Variants in VAC14 observed in about 807,000 individuals in gnomAD.
VAC14 encodes the protein VAC14 component of PIKFYVE complex, also known as protein VAC14 homolog.
VAC14 carries 47 observed loss-of-function variants against 85.3 expected under a neutral mutation model. The observed-to-expected ratio is 0.55, with a 90% CI of 0.44 to 0.70. The LOEUF (loss-of-function observed/expected upper bound fraction) is 0.70. Among genes scored for constraint, VAC14 ranks in the 30% least tolerant of loss-of-function variants. VAC14 has a pLI of 0.00. For synonymous variants in VAC14, 447 were observed against 430.5 expected (o/e 1.04, Z -0.47); for missense variants, 861 against 1,004.3 (o/e 0.86, Z 1.93).
chr16:70,718,439 G>A (rs1243269983), intron 14 of VAC14, among the ~76,000 whole-genome samples: 5 of 151,934 alleles, frequency 3.3e-5, no homozygotes, highest in South Asian at 2.1e-4. Flanking sequence ...GGGTGTGGTC[G>A]TGGGCGCCTG....
At chr16:70,737,494 G>A (rs556334399) in intron 13 of VAC14, among the ~76,000 whole-genome samples, 12 of 152,328 alleles carry the variant, frequency 7.9e-5, no homozygotes, top group Admixed American at 3.9e-4. Context: ...GCAGGAGCAT[G>A]AGGGAGAGTG....
intron 12 of VAC14, among the ~76,000 whole-genome samples, chr16:70,750,236 C>A (rs1302581137): frequency 6.6e-6 from 1 of 152,208 alleles, no homozygotes; most frequent in Non-Finnish European, 1.5e-5. Context: ...GGCCTGTAGT[C>A]CTGGCTCTGA....
chr16:70,755,929 C>A, intron 12 of VAC14: 2 of 444,604 alleles, frequency 4.5e-6, no homozygotes, highest in Non-Finnish European at 9.0e-6. Context: ...CCATTCCTCA[C>A]AGCACAGCTC....
chr16:70,693,169 G>A (rs1029296857), intron 17 of VAC14, among the ~76,000 whole-genome samples, 198 bp from the exon 18 acceptor site: 3 of 152,156 alleles, frequency 2.0e-5, no homozygotes, highest in African/African-American at 7.2e-5. Flanking sequence ...AGCCAGTCGC[G>A]CTGCCCCCAC....
intron 14 of VAC14, among the ~76,000 whole-genome samples, chr16:70,726,688 G>T (rs2054438004): frequency 6.6e-6 from 1 of 152,200 alleles, no homozygotes; most frequent in African/African-American, 2.4e-5. Context: ...CGTGGAGGGA[G>T]TGGGGGTACA....
chr16:70,719,398 G>C (rs1184381611), intron 14 of VAC14, among the ~76,000 whole-genome samples: 2 of 152,116 alleles, frequency 1.3e-5, no homozygotes, highest in East Asian at 1.9e-4. Context: ...TAAAAATAAA[G>C]TATGTCTGTT....
chr16:70,791,596 G>A (rs907474139), intron 1 of VAC14, among the ~76,000 whole-genome samples: 8 of 152,176 alleles, frequency 5.3e-5, no homozygotes, highest in African/African-American at 1.9e-4. Context: ...ATGTTGGCCA[G>A]GCTGGTCTTG....
At position 70,781,862 on chromosome 16, in the gene VAC14, AG is replaced by A. The variant is rs1333057509; in HGVS notation, c.946+6del. 4 of 1,613,730 alleles carry A rather than the reference AG, an allele frequency of 2.5e-6. No homozygotes were observed. Among genetic ancestry groups the A allele is most frequent in the Non-Finnish European group, 2.5e-6 (3 of 1,179,764 alleles). On this transcript the variant is annotated splice_donor_region_variant and intron_variant, in intron 8 of 18. Coordinates refer to ENST00000261776, the MANE Select transcript of VAC14 (RefSeq NM_018052.5). ...TCTCAATTATTCTCTCCCAAAGCAAAGGATACTTTTCTTGCGGTCATCGTAG... is the reference window on the plus strand; with the variant it reads ...TCTCAATTATTCTCTCCCAAAGCAAAGATACTTTTCTTGCGGTCATCGTAG...
intron 9 of VAC14, chr16:70,772,928 A>G (rs1182242909): frequency 6.6e-6 from 1 of 152,250 alleles, no homozygotes; most frequent in Non-Finnish European, 1.5e-5. Context: ...TGCACGCCAT[A>G]AAAATGAACT....
At chr16:70,784,349 G>C in intron 4 of VAC14, 129 bp from the exon 5 acceptor site, 1 of 683,176 alleles carries the variant, frequency 1.5e-6, no homozygotes, top group East Asian at 2.7e-5. Context: ...TCCTGAGCTA[G>C]GCATAAGAGG....
chr16:70,788,338 C>T (rs556840483), intron 1 of VAC14, among the ~76,000 whole-genome samples: 2 of 152,300 alleles, frequency 1.3e-5, no homozygotes, highest in Middle Eastern at 3.4e-3. Flanking sequence ...GCACTGTTCA[C>T]GCAAGAGGTG....
intron 14 of VAC14, among the ~76,000 whole-genome samples, chr16:70,728,062 A>T (rs1423890219): frequency 6.6e-6 from 1 of 152,362 alleles, no homozygotes; most frequent in South Asian, 2.1e-4. Flanking sequence ...CTTCTGTCCC[A>T]GCCCACTGGG....
At chr16:70,699,144 C>T (rs886455274) in intron 14 of VAC14, 3 of 273,938 alleles carry the variant, frequency 1.1e-5, no homozygotes, top group Admixed American at 9.1e-5. Flanking sequence ...TCCTGAACTC[C>T]CACATGTCTG....
At chr16:70,767,621 A>G (rs1328841304) in intron 10 of VAC14, among the ~76,000 whole-genome samples, 6 of 152,188 alleles carry the variant, frequency 3.9e-5, no homozygotes, top group African/African-American at 1.4e-4. Flanking sequence ...GCCAACTGCA[A>G]AAGTGGAACT....
rs2054590226 is a variant in VAC14, at chr16:70,731,502, T to C, written c.1654A>G (p.Ile552Val). ...CGCGCCGCCAAGGCTGACCTGATGA[T>C]GAAAGGGCCTCTGACCTCCAGGAGC... Reference protein sequence around the residue: ...RKLLEVRGPFIIRQLCLLLNA... With the variant: ...RKLLEVRGPFVIRQLCLLLNA... Residue 552 changes from isoleucine (I) to valine (V), a missense_variant, in exon 14 of 19, where the codon ATC becomes GTC. Around this residue, in one of 3 missense-constraint regions of VAC14, gnomAD observed 69 missense variants for 139.0 expected, o/e 0.50. Coordinates refer to ENST00000261776, the MANE Select transcript of VAC14 (RefSeq NM_018052.5). 1 of 1,613,770 alleles carries C rather than the reference T, an allele frequency of 6.2e-7. No individual in the cohort carries two copies. The highest frequency in any genetic ancestry group is 1.7e-5 in the Admixed American group (1 of 59,982).
intron 12 of VAC14, among the ~76,000 whole-genome samples, chr16:70,754,298 G>T (rs1004302313): frequency 6.6e-6 from 1 of 152,150 alleles, no homozygotes; most frequent in African/African-American, 2.4e-5. Flanking sequence ...ACAGTTCTGG[G>T]ACTGTTACCT....
At chr16:70,733,079 T>C (rs535045976) in intron 13 of VAC14, among the ~76,000 whole-genome samples, 2 of 152,366 alleles carry the variant, frequency 1.3e-5, no homozygotes, top group East Asian at 3.9e-4. Context: ...CCATCACCAC[T>C]AATTTCAGAA....
intron 13 of VAC14, among the ~76,000 whole-genome samples, chr16:70,732,299 C>T (rs74907417): frequency 0.077 from 11,674 of 152,266 alleles, 497 homozygotes; most frequent in Middle Eastern, 0.18. Context: ...GGCAAAGATG[C>T]TCTTTTAGGA....
intron 12 of VAC14, among the ~76,000 whole-genome samples, chr16:70,757,296 C>T (rs575831818): frequency 2.6e-4 from 39 of 152,348 alleles, no homozygotes; most frequent in African/African-American, 8.4e-4. Context: ...CCTCTGCTGA[C>T]GACGCCATTT....
Sources: allele counts gnomAD v4.1 joint callset (sites outside exome capture counted in the v4.1 genomes callset), GRCh38; gene constraint gnomAD v4.1.1; regional missense constraint gnomAD v4.1.1; transcripts MANE v1.5; gene names NCBI Gene and HGNC (gene_info 2026-07-23, HGNC 2026-07-21).